The following MAP4K5 variants were observed in gnomAD, a reference collection of about 807,000 sequenced individuals.
The protein encoded by MAP4K5 is MAPK/ERK kinase kinase kinase 5.
MAP4K5 carries 82 observed loss-of-function variants against 135.6 expected under a neutral mutation model. The ratio of observed to expected loss-of-function variants is 0.60; its 90% CI spans 0.51 to 0.73. MAP4K5 has a LOEUF of 0.73. Among genes scored for constraint, MAP4K5 ranks in the 30% least tolerant of loss-of-function variants. MAP4K5 has a pLI of 0.00. For missense variants in MAP4K5, 907 were observed against 1,010.9 expected (o/e 0.90, Z 1.39); for synonymous variants, 347 against 335.0 (o/e 1.04, Z -0.39).
At chr14:50,477,933 T>C (rs1365799841) in intron 6 of MAP4K5, among the ~76,000 whole-genome samples, 5 of 152,150 alleles carry the variant, frequency 3.3e-5, no homozygotes, top group Admixed American at 6.5e-5. Flanking sequence ...CTTGTAAGAT[T>C]GTTGTCTAAT....
intron 28 of MAP4K5, 50 bp from the exon 29 acceptor site, chr14:50,429,310 C>A: frequency 9.1e-7 from 1 of 1,103,594 alleles, no homozygotes; most frequent in Non-Finnish European, 1.3e-6. Flanking sequence ...AACCTAGAGC[C>A]TAGAAAATAA....
chr14:50,478,585 A>G (rs1376629729), intron 6 of MAP4K5, among the ~76,000 whole-genome samples: 1 of 152,144 alleles, frequency 6.6e-6, no homozygotes, highest in East Asian at 1.9e-4. Flanking sequence ...TTGGGACCAG[A>G]CATATTTCAG....
intron 2 of MAP4K5, among the ~76,000 whole-genome samples, chr14:50,510,867 G>A (rs903776091): frequency 1.3e-5 from 2 of 152,158 alleles, no homozygotes; most frequent in Non-Finnish European, 2.9e-5. Context: ...CATATGGACA[G>A]AACACAAACC....
chr14:50,517,303 C>T (rs2038053495), intron 2 of MAP4K5, among the ~76,000 whole-genome samples: 1 of 151,862 alleles, frequency 6.6e-6, no homozygotes, highest in African/African-American at 2.4e-5. Flanking sequence ...AGGCACGTGC[C>T]ACCACGCCCA....
chr14:50,468,823 A>G (rs756556642), intron 9 of MAP4K5, 41 bp from the exon 10 acceptor site: 1 of 1,557,208 alleles, frequency 6.4e-7, no homozygotes, highest in Non-Finnish European at 8.7e-7. Flanking sequence ...GTTGTTAAAT[A>G]TTGATCTGAA....
chr14:50,471,302 T>C (rs1003157430), intron 9 of MAP4K5, among the ~76,000 whole-genome samples: 3 of 152,120 alleles, frequency 2.0e-5, no homozygotes, highest in African/African-American at 7.2e-5. Context: ...AAGGGACACA[T>C]TATTCAGAAT....
Position 50,442,833 on chromosome 14 carries a change from G to C in MAP4K5, c.1480-17C>G. 2 of 1,441,140 alleles carry C rather than the reference G, an allele frequency of 1.4e-6. No individual in the cohort carries two copies. The highest frequency in any genetic ancestry group is 1.9e-6 in the Non-Finnish European group (2 of 1,051,426). The allele number at this position is 1,441,140 out of a possible 1,614,324, so 89.3% of individuals were successfully genotyped here. ...TGCTCCCATCTTATTTATAAAGAAAGAAATGTTAACTTATTTGATTAGAAA... is the reference window on the plus strand; with the variant it reads ...TGCTCCCATCTTATTTATAAAGAAACAAATGTTAACTTATTTGATTAGAAA... On this transcript the variant is annotated splice_polypyrimidine_tract_variant and intron_variant, in intron 20 of 32. Transcript: ENST00000682126.
At chr14:50,518,954 A>G (rs1287222572) in intron 2 of MAP4K5, among the ~76,000 whole-genome samples, 3 of 152,182 alleles carry the variant, frequency 2.0e-5, no homozygotes, top group Admixed American at 2.0e-4. Context: ...AAAACCTTTA[A>G]GACAATTTAG....
intron 9 of MAP4K5, 29 bp from the exon 10 acceptor site, chr14:50,468,811 T>C (rs753209754): frequency 9.5e-6 from 15 of 1,582,032 alleles, no homozygotes; most frequent in Non-Finnish European, 1.1e-5. Context: ...TACAACATTT[T>C]TGTTGTTAAA....
intron 2 of MAP4K5, among the ~76,000 whole-genome samples, chr14:50,519,546 C>T (rs1174889206): frequency 2.6e-5 from 4 of 151,612 alleles, no homozygotes; most frequent in Non-Finnish European, 5.9e-5. Flanking sequence ...CCCAGCTACT[C>T]GGGAGACTGA....
intron 5 of MAP4K5, among the ~76,000 whole-genome samples, chr14:50,483,478 A>G (rs2037296893): frequency 6.6e-6 from 1 of 152,112 alleles, no homozygotes; most frequent in Non-Finnish European, 1.5e-5. Flanking sequence ...CCATTCAGGA[A>G]CATAAATTTT....
rs12891727 is a variant in MAP4K5, at chr14:50,520,090, C to T, written c.108+11852G>A. On this transcript the variant is annotated intron_variant, in intron 2 of 32. Transcript: ENST00000682126. The stretch of plus-strand genomic sequence containing the variant: ...TTCATAAGACAAAGCTGGGGCTGGG[C>T]GTGGTGGCTCACACCTGTAATCCTA... 5.8e-3 allele frequency among the ~76,000 whole-genome samples: 890 copies of T among 152,188 alleles called. 7 individuals are homozygous for T. The highest frequency in any genetic ancestry group is 8.0e-3 in the Non-Finnish European group (544 of 68,004).
intron 2 of MAP4K5, among the ~76,000 whole-genome samples, chr14:50,511,616 T>G (rs2037931571): frequency 6.6e-6 from 1 of 152,166 alleles, no homozygotes; most frequent in African/African-American, 2.4e-5. Context: ...TTTGCTAATT[T>G]TCCTGATCAC....
At chr14:50,546,022 A>G (rs1264611888) in intron 1 of MAP4K5, among the ~76,000 whole-genome samples, 2 of 152,138 alleles carry the variant, frequency 1.3e-5, no homozygotes, top group Non-Finnish European at 2.9e-5. Context: ...TTGAAATCAA[A>G]CTCACTGTTT....
At chr14:50,483,527 A>C (rs1180118087) in intron 5 of MAP4K5, among the ~76,000 whole-genome samples, 2 of 152,018 alleles carry the variant, frequency 1.3e-5, no homozygotes, top group Non-Finnish European at 2.9e-5. Flanking sequence ...TAAAAGAAAA[A>C]AAGTCACTTT....
At chr14:50,486,220 C>T in intron 3 of MAP4K5, 26 bp from the exon 4 acceptor site, 1 of 781,482 alleles carries the variant, frequency 1.3e-6, no homozygotes, top group South Asian at 1.7e-5. Flanking sequence ...AGTTGTTTAT[C>T]ATGTTACTCA....
Position 50,545,881 on chromosome 14 carries a change from A to T in MAP4K5, c.-179-3297T>A, listed in dbSNP as rs556320981. Among the ~76,000 whole-genome samples, 8 of 152,330 alleles carry T rather than the reference A, an allele frequency of 5.3e-5. No individual in the cohort carries two copies. The East Asian group carries it at 1.5e-3, about 29-fold the overall frequency. ...GTGCACCTTTTTAAACTGATGGCCA[A>T]ATTACAGCAAGAAAAATCCAGAGCT... On this transcript the variant is annotated intron_variant, in intron 1 of 8. Coordinates refer to the MAP4K5 transcript ENST00000555216.
intron 27 of MAP4K5, 29 bp downstream of exon 27, chr14:50,434,933 G>T: frequency 6.8e-7 from 1 of 1,462,278 alleles, no homozygotes. Context: ...TTTTCTAAAG[G>T]AAAAAAATGT....
chr14:50,539,616 G>A (rs977178797), intron 2 of MAP4K5, among the ~76,000 whole-genome samples: 1 of 152,228 alleles, frequency 6.6e-6, no homozygotes. Flanking sequence ...GGGCATTTGA[G>A]CAGATATGAA....
Sources: gnomAD v4.1 joint callset for allele counts (sites outside exome capture counted in the v4.1 genomes callset) on GRCh38, gnomAD v4.1.1 for gene constraint, MANE v1.5 for transcripts, NCBI Gene and HGNC (gene_info 2026-07-23, HGNC 2026-07-21) for gene names.